The following BHLHE41 variants were observed in gnomAD, a reference collection of about 807,000 sequenced individuals.
The protein encoded by BHLHE41 is class E basic helix-loop-helix protein 41.
BHLHE41 carries 14 observed loss-of-function variants against 24.0 expected under a neutral mutation model. The observed-to-expected ratio is 0.58, with a 90% confidence interval of 0.39 to 0.91. The LOEUF (loss-of-function observed/expected upper bound fraction) is 0.91. Ranked by LOEUF, BHLHE41 falls within the 40% of genes least tolerant of loss-of-function variation. The pLI, the probability that BHLHE41 is intolerant of heterozygous loss-of-function variation, is 0.00. For synonymous variants in BHLHE41, 394 were observed against 315.5 expected (o/e 1.25, Z -2.64); for missense variants, 674 against 655.4 (o/e 1.03, Z -0.31).
Position 26,122,873 on chromosome 12 carries a change from G to T in BHLHE41, c.642C>A (p.Leu214=). 6.4e-7 allele frequency: 1 copy of T among 1,558,596 alleles called. No homozygotes were observed. Among genetic ancestry groups the T allele is most frequent in the Non-Finnish European group, 8.7e-7 (1 of 1,152,702 alleles). Residue 214 remains leucine (L), a synonymous_variant, in exon 5 of 5, where the codon CTC becomes CTA. Coordinates refer to ENST00000242728, the MANE Select transcript of BHLHE41 (RefSeq NM_030762.3). ...LERAGQKLEP[L]AYCVPVIQRT... is the part of the protein sequence containing the mutation. ...GCTGGATGACGGGCACGCAGTAGGC[G>T]AGGGGCTCCAGCTTCTGCCCCGCGC...
rs1415997535 is a variant in BHLHE41 at position 26,124,827 on chromosome 12, CAAT to C, written c.-51_-49del. 1.3e-6 allele frequency: 2 copies of C among 1,592,948 alleles called. No individual in the cohort carries two copies. The highest frequency in any genetic ancestry group is 2.2e-5 in the South Asian group (2 of 90,650). On this transcript the variant is annotated 5_prime_UTR_variant, in exon 1 of 5. Transcript: ENST00000242728. The stretch of plus-strand genomic sequence containing the variant: ...CTGTTTCGATTTTTGGGGCTCTGTA[CAAT>C]AATCTGTGGGACGGTAGGCTTGGGA...
In BHLHE41 at chr12:26,122,707, G is replaced by C; in HGVS notation, c.808C>G (p.Pro270Ala). ...ASRVTIKQEP[P>A]GEDSPAPKRM... ...TTGGGCGCCGGCGAGTCCTCCCCGG[G>C]AGGCTCCTGCTTGATGGTGACGCGG... The change falls in exon 5 of 5, where the codon CCC (proline) becomes GCC (alanine). Residue 270 changes from proline (P) to alanine (A), a missense_variant. Physicochemically the swap from Pro to Ala is conservative, Grantham distance 27 (BLOSUM62 -1). Around this residue, in one of 3 missense-constraint regions of BHLHE41, gnomAD observed 602 missense variants for 570.8 expected, o/e 1.05. Coordinates refer to ENST00000242728, the MANE Select transcript of BHLHE41 (RefSeq NM_030762.3). 1 of 1,580,396 alleles carries C rather than the reference G, an allele frequency of 6.3e-7. No homozygotes were observed. The highest frequency in any genetic ancestry group is 2.4e-5 in the East Asian group (1 of 41,008).
chr12:26,122,581 C>A lies in BHLHE41; in HGVS notation c.934G>T (p.Ala312Ser). 9.0e-7 allele frequency: 1 copy of A among 1,109,448 alleles called. No homozygotes were observed. Among genetic ancestry groups the A allele is most frequent in the Non-Finnish European group, 1.1e-6 (1 of 911,606 alleles). The allele number at this position is 1,109,448 out of a possible 1,614,324, so 68.7% of individuals were successfully genotyped here. Residue 312 changes from alanine to serine, a missense_variant, in exon 5 of 5, where the codon GCG becomes TCG. Coordinates refer to ENST00000242728, the MANE Select transcript of BHLHE41 (RefSeq NM_030762.3). ...GCGTCGGGTCTCAGCAGCGCGGCCG[C>A]GGCGGCAGGGTCGGGCCCCAGAAGC... ...AALLGPDPAA[A>S]AALLRPDAAL...
chr12:26,123,977 C>G, intron 3 of BHLHE41, 95 bp downstream of exon 3: 2 of 960,476 alleles, frequency 2.1e-6, no homozygotes, highest in Non-Finnish European at 3.3e-6. Context: ...AAGTCAGGAA[C>G]TTATATTTAC....
Position 26,122,013 on chromosome 12 carries a change from G to A in BHLHE41, c.*53C>T, listed in dbSNP as rs1944309712. 9 of 1,545,732 alleles carry A rather than the reference G, an allele frequency of 5.8e-6. 2 individuals carry two copies. The highest frequency in any genetic ancestry group is 4.8e-5 in the South Asian group (4 of 83,924). ...CTCACTCTGCTTGAACCTCCTTAAG[G>A]GTATTTTAACTTCTCACTCTGCTTG... is the stretch of plus-strand genomic sequence containing the variant. On this transcript the variant is annotated 3_prime_UTR_variant, in exon 5 of 5. Transcript: ENST00000242728.
At position 26,120,361 on chromosome 12, in the gene BHLHE41, T is replaced by C. The variant is rs1364973827; in HGVS notation, c.*1705A>G. ...TTATGGAGTGCTGAAAATACTAGAA[T>C]ATAAAGGTAATTTCTAGTTTATCGT... On this transcript the variant is annotated 3_prime_UTR_variant, in exon 5 of 5. Transcript: ENST00000242728. The C allele has an allele frequency of 6.6e-6, 1 of 152,656 alleles. No individual in the cohort carries two copies. Among genetic ancestry groups the C allele is most frequent in the Non-Finnish European group, 1.5e-5 (1 of 68,034 alleles). 9.5% of individuals were successfully genotyped at this position (152,656 alleles called of 1,614,324 possible).
At chr12:26,124,697 G>A in intron 1 of BHLHE41, 21 bp downstream of exon 1, 1 of 1,613,484 alleles carries the variant, frequency 6.2e-7, no homozygotes, top group Non-Finnish European at 8.5e-7. Context: ...ACAGATATTC[G>A]CAAGGGTGCG....
In BHLHE41 at chr12:26,120,211, CTAAT is replaced by C. The variant is rs1305230438; in HGVS notation, c.*1851_*1854del. ...CCCTATAGTTATAGATATCTTAAAA[CTAAT>C]TGAGCATCCATTATGTCTTTTTTAA... On this transcript the variant is annotated 3_prime_UTR_variant, in exon 5 of 5. Transcript: ENST00000242728. 2.0e-5 allele frequency: 3 copies of C among 152,556 alleles called. No individual in the cohort carries two copies. The highest frequency in any genetic ancestry group is 6.5e-5 in the Admixed American group (1 of 15,274). 9.5% of individuals were successfully genotyped at this position (152,556 alleles called of 1,614,324 possible).
In BHLHE41 at chr12:26,122,383, G is replaced by C. The variant is rs1443988450; in HGVS notation, c.1132C>G (p.Pro378Ala). The C allele has an allele frequency of 8.1e-7, 1 of 1,229,640 alleles. No individual in the cohort carries two copies. 76.2% of individuals were successfully genotyped at this position (1,229,640 alleles called of 1,614,324 possible). The change falls in exon 5 of 5, where the codon CCG becomes GCG. Residue 378 changes from proline (P) to alanine (A), a missense_variant. Transcript: ENST00000242728. The stretch of plus-strand genomic sequence containing the variant: ...GGGAACGGGGCGGCAGCCGCCGCCG[G>C]GTACAGATACTTCTCCAGGCCGCTC... ...DKSGLEKYLY[P>A]AAAAAPFPLL... is the part of the protein sequence containing the mutation.
At position 26,120,620 on chromosome 12, in the gene BHLHE41, A is replaced by G. The variant is rs1437074994; in HGVS notation, c.*1446T>C. The G allele has an allele frequency of 3.3e-5, 5 of 152,808 alleles. No homozygotes were observed. The highest frequency in any genetic ancestry group is 3.4e-3 in the Middle Eastern group (1 of 294). 9.5% of individuals were successfully genotyped at this position (152,808 alleles called of 1,614,324 possible). On this transcript the variant is annotated 3_prime_UTR_variant, in exon 5 of 5. Coordinates refer to ENST00000242728, the MANE Select transcript of BHLHE41 (RefSeq NM_030762.3). ...ATTGGATGTATTAACAACTATGTAC[A>G]TAAGAGCCACCTTGTAGGCTAAGAG...
At chr12:26,124,253 G>GGGGGGGGGGGGGGGGGGGGGC in intron 2 of BHLHE41, 74 bp from the exon 3 acceptor site, 1 of 785,906 alleles carries the variant, frequency 1.3e-6, no homozygotes, top group Non-Finnish European at 2.1e-6. Context: ...ACCCTCGTCT[G>GGGGGGGGGGGGGGGGGGGGGC]CCCCCCCCGC....
chr12:26,124,252 T>TGGGGGGGGGGGGGGGGGGGGGGG, intron 2 of BHLHE41, 73 bp from the exon 3 acceptor site: 2 of 879,430 alleles, frequency 2.3e-6, no homozygotes, highest in Non-Finnish European at 1.8e-6. Flanking sequence ...TACCCTCGTC[T>TGGGGGGGGGGGGGGGGGGGGGGG]GCCCCCCCCG....
In BHLHE41 at chr12:26,122,245, C is replaced by T; in HGVS notation, c.1270G>A (p.Glu424Lys). 2 of 1,272,432 alleles carry T rather than the reference C, an allele frequency of 1.6e-6. No individual in the cohort carries two copies. The highest frequency in any genetic ancestry group is 1.6e-5 in the African/African-American group (1 of 63,110). The allele number at this position is 1,272,432 out of a possible 1,614,324, so 78.8% of individuals were successfully genotyped here. A position where few individuals can be genotyped will look rare whatever the true frequency, so the allele number is the denominator to read the frequency against. The change falls in exon 5 of 5, where the codon GAG (glutamate) becomes AAG (lysine). Residue 424 changes from glutamate (E) to lysine (K), a missense_variant. Coordinates refer to ENST00000242728, the MANE Select transcript of BHLHE41 (RefSeq NM_030762.3). ...CLSSVLSPPPEKAGAAAATLL... is the reference protein window; with the variant it reads ...CLSSVLSPPPKKAGAAAATLL... ...GTCGCGGCGGCGGCGCCCGCCTTCT[C>T]GGGAGGGGGCGACAACACCGAGGAC... is the stretch of plus-strand genomic sequence containing the variant.
At position 26,124,187 on chromosome 12, in the gene BHLHE41, T is replaced by C. The variant is rs759636418; in HGVS notation, c.127-8A>G. 1.9e-5 allele frequency: 29 copies of C among 1,547,888 alleles called. No individual in the cohort carries two copies. The African/African-American group carries it at 2.7e-4, about 15-fold the overall frequency. On this transcript the variant is annotated splice_polypyrimidine_tract_variant and splice_region_variant and intron_variant, in intron 2 of 4. Coordinates refer to ENST00000242728, the MANE Select transcript of BHLHE41 (RefSeq NM_030762.3). ...CGGTAATTTGTAGGTATCCTTAATATATGAGAGTCATGGAAAAGAGAAAAC... is the reference window on the plus strand; with the variant it reads ...CGGTAATTTGTAGGTATCCTTAATACATGAGAGTCATGGAAAAGAGAAAAC...
rs1944315630 is a variant in BHLHE41, at chr12:26,122,309, G to C, written c.1206C>G (p.Ala402=). The change falls in exon 5 of 5, where the codon GCC becomes GCG. Residue 402 remains alanine, a synonymous_variant. Coordinates refer to ENST00000242728, the MANE Select transcript of BHLHE41 (RefSeq NM_030762.3). Reference sequence around the variant, plus strand: ...CGGCGGCGGCGGCGGCAGCGGCGGCGGCGGCTGCCGCGGCTGCCGCCGGGG... The same window carrying C: ...CGGCGGCGGCGGCGGCAGCGGCGGCCGCGGCTGCCGCGGCTGCCGCCGGGG... ...IPAPAAAAAA[A]AAAAAAAAAF... The C allele has an allele frequency of 1.7e-6, 2 of 1,175,058 alleles. No individual in the cohort carries two copies. Among genetic ancestry groups the C allele is most frequent in the Middle Eastern group, 3.4e-4 (1 of 2,912 alleles). 72.8% of individuals were successfully genotyped at this position (1,175,058 alleles called of 1,614,324 possible). A position where few individuals can be genotyped will look rare whatever the true frequency, so the allele number is the denominator to read the frequency against.
intron 2 of BHLHE41, 65 bp from the exon 3 acceptor site, chr12:26,124,244 C>T: frequency 1.1e-6 from 1 of 948,630 alleles, no homozygotes; most frequent in Non-Finnish European, 1.7e-6. Context: ...TTGGATATTA[C>T]CCTCGTCTGC....
chr12:26,123,671 A>G lies in BHLHE41; in HGVS notation c.305T>C (p.Leu102Ser), dbSNP rs1329268208. 1 of 1,614,074 alleles carries G rather than the reference A, an allele frequency of 6.2e-7. No homozygotes were observed. Reference protein sequence around the residue: ...TLKHLKALTALTEQQHQKIIA... With the variant: ...TLKHLKALTASTEQQHQKIIA... ...TATCTTCTGATGCTGTTGCTCGGTT[A>G]AGGCGGTTAAAGCTTTTAAGTGTTT... is the stretch of plus-strand genomic sequence containing the variant. Residue 102 changes from leucine (L) to serine (S), a missense_variant, in exon 4 of 5, where the codon TTA becomes TCA. Around this residue, in one of 3 missense-constraint regions of BHLHE41, gnomAD observed 602 missense variants for 570.8 expected, o/e 1.05. Coordinates refer to ENST00000242728, the MANE Select transcript of BHLHE41 (RefSeq NM_030762.3).
At position 26,122,003 on chromosome 12, in the gene BHLHE41, C is replaced by T. The variant is rs1356958670; in HGVS notation, c.*63G>A. Reference sequence around the variant, plus strand: ...ATTTTAACTTCTCACTCTGCTTGAACCTCCTTAAGGGTATTTTAACTTCTC... The same window carrying T: ...ATTTTAACTTCTCACTCTGCTTGAATCTCCTTAAGGGTATTTTAACTTCTC... On this transcript the variant is annotated 3_prime_UTR_variant, in exon 5 of 5. Transcript: ENST00000242728. 18 of 1,544,056 alleles carry T rather than the reference C, an allele frequency of 1.2e-5. No individual in the cohort carries two copies. Among genetic ancestry groups the T allele is most frequent in the Non-Finnish European group, 1.3e-5 (15 of 1,143,170 alleles).
rs1944303872 is a variant in BHLHE41 at position 26,121,442 on chromosome 12, A to G, written c.*624T>C. The G allele has an allele frequency of 6.5e-6, 1 of 152,848 alleles. No individual in the cohort carries two copies. Among genetic ancestry groups the G allele is most frequent in the African/African-American group, 2.4e-5 (1 of 41,448 alleles). The allele number at this position is 152,848 out of a possible 1,614,324, so 9.5% of individuals were successfully genotyped here. On this transcript the variant is annotated 3_prime_UTR_variant, in exon 5 of 5. Coordinates refer to ENST00000242728, the MANE Select transcript of BHLHE41 (RefSeq NM_030762.3). ...CTTCAGAATAGGTTGCAACGTGAGA[A>G]ACTGCATCCTCACTTCTTTGAAAAA...
Sources: allele counts gnomAD v4.1 joint callset, GRCh38; gene constraint gnomAD v4.1.1; regional missense constraint gnomAD v4.1.1; transcripts MANE v1.5; gene names NCBI Gene and HGNC (gene_info 2026-07-23, HGNC 2026-07-21).